RFC1: variants seen among roughly 807,000 people sequenced by gnomAD.
RFC1 encodes the protein replication factor C subunit 1, also known as A1 140 kDa subunit.
In RFC1, 37 loss-of-function variants were observed where a neutral mutation model predicts 137.4. That is an observed-to-expected ratio of 0.27 (90% CI 0.21 to 0.35). The LOEUF is 0.35. RFC1 is among the 10% of genes least tolerant of loss of function. The pLI, the probability that RFC1 is intolerant of heterozygous loss-of-function variation, is 1.00. For synonymous variants in RFC1, 429 were observed against 455.7 expected (o/e 0.94, Z 0.75); for missense variants, 1,205 against 1,358.5 (o/e 0.89, Z 1.78).
At chr4:39,347,517 T>C (rs954143168) in intron 2 of RFC1, among the ~76,000 whole-genome samples, 4 of 152,204 alleles carry the variant, frequency 2.6e-5, no homozygotes, top group Non-Finnish European at 4.4e-5. Context: ...TAATACAGAT[T>C]TTGGTACCAA....
intron 11 of RFC1, among the ~76,000 whole-genome samples, chr4:39,312,081 G>A (rs539654269): frequency 4.6e-5 from 7 of 152,282 alleles, no homozygotes; most frequent in South Asian, 2.1e-4. Context: ...TATAAGACAT[G>A]TTTCTGGGAA....
rs544887686 is a variant in RFC1 at position 39,290,536 on chromosome 4, T to G, written c.3169-497A>C. ...TCAGTAAATCAAAAAGGGGCTCGGCTGGGTGTGGTGGCTCACGCCTGTAAT... is the reference window on the plus strand; with the variant it reads ...TCAGTAAATCAAAAAGGGGCTCGGCGGGGTGTGGTGGCTCACGCCTGTAAT... On this transcript the variant is annotated intron_variant, in intron 23 of 24. Coordinates refer to ENST00000349703, the MANE Select transcript of RFC1 (RefSeq NM_002913.5). Among the ~76,000 whole-genome samples the G allele has an allele frequency of 5.0e-4, 76 of 152,244 alleles. 1 individual carries two copies. In the South Asian group the frequency reaches 0.015, roughly 30 times the overall value.
chr4:39,348,382 C>G (rs1740967447), intron 2 of RFC1, among the ~76,000 whole-genome samples: 1 of 128,684 alleles, frequency 7.8e-6, no homozygotes, highest in Non-Finnish European at 1.7e-5. Context: ...GAGATTGCGC[C>G]ACTGCACTCC....
intron 24 of RFC1, among the ~76,000 whole-genome samples, chr4:39,289,362 C>T (rs905422941): frequency 7.2e-5 from 11 of 152,274 alleles, no homozygotes; most frequent in African/African-American, 2.4e-4. Flanking sequence ...AGCACCCACA[C>T]CCAGCGAAGG....
chr4:39,340,410 A>G (rs1740556348), intron 4 of RFC1, among the ~76,000 whole-genome samples: 1 of 152,188 alleles, frequency 6.6e-6, no homozygotes, highest in South Asian at 2.1e-4. Flanking sequence ...AAATATTGGG[A>G]ACACTTATTC....
chr4:39,295,524 C>T, intron 22 of RFC1, 90 bp downstream of exon 22: 1 of 1,129,864 alleles, frequency 8.9e-7, no homozygotes, highest in Non-Finnish European at 1.2e-6. Flanking sequence ...AAAACTAAAA[C>T]ACAAATCTTT....
intron 4 of RFC1, among the ~76,000 whole-genome samples, chr4:39,338,802 T>C (rs1034878006): frequency 1.3e-5 from 2 of 152,134 alleles, no homozygotes; most frequent in African/African-American, 4.8e-5. Flanking sequence ...TTAGCAGGAA[T>C]CCCAAATACA....
chr4:39,337,435 A>AGTGT (rs71921435), intron 4 of RFC1, among the ~76,000 whole-genome samples: 4,995 of 143,646 alleles, frequency 0.035, 130 homozygotes, highest in East Asian at 0.085. Context: ...TACTCAAATA[A>AGTGT]GTGTGTGTGT....
intron 4 of RFC1, among the ~76,000 whole-genome samples, chr4:39,336,187 C>T (rs1740342262): frequency 1.3e-5 from 2 of 152,200 alleles, no homozygotes; most frequent in East Asian, 1.9e-4. Context: ...AAGAAAGCAT[C>T]TAGCTCTCAT....
At chr4:39,305,776 A>C (rs1261886898) in intron 14 of RFC1, among the ~76,000 whole-genome samples, 1 of 152,202 alleles carries the variant, frequency 6.6e-6, no homozygotes, top group East Asian at 1.9e-4. Context: ...TTATGCCTTA[A>C]TTCATAAAAA....
intron 4 of RFC1, among the ~76,000 whole-genome samples, chr4:39,328,786 T>C (rs951882877): frequency 1.2e-4 from 19 of 152,144 alleles, no homozygotes; most frequent in African/African-American, 4.3e-4. Flanking sequence ...GCCTGTCATT[T>C]GGAAAACACA....
At chr4:39,335,476 CAG>C (rs1225313440) in intron 4 of RFC1, among the ~76,000 whole-genome samples, 1 of 152,248 alleles carries the variant, frequency 6.6e-6, no homozygotes, top group Admixed American at 6.5e-5. Context: ...TAGAATCAAA[CAG>C]AGTCAGTTAT....
intron 22 of RFC1, among the ~76,000 whole-genome samples, chr4:39,294,528 A>T (rs1377573922): frequency 6.6e-6 from 1 of 152,038 alleles, no homozygotes; most frequent in Non-Finnish European, 1.5e-5. Flanking sequence ...AAAATTAGCC[A>T]GGTGTGGTGG....
At chr4:39,329,597 G>A (rs1739989480) in intron 4 of RFC1, among the ~76,000 whole-genome samples, 1 of 151,842 alleles carries the variant, frequency 6.6e-6, no homozygotes, top group South Asian at 2.1e-4. Context: ...ATTAAGCTGG[G>A]CATGGTGGTG....
At chr4:39,350,189 A>AAG (rs1741114307) in intron 2 of RFC1, among the ~76,000 whole-genome samples, 1 of 318 alleles carries the variant, frequency 3.1e-3, no homozygotes, top group South Asian at 0.25. Context: ...TTAAAGACAG[A>AAG]AAGAGAAAGT....
At chr4:39,312,522 C>T (rs2109643162) in intron 11 of RFC1, among the ~76,000 whole-genome samples, 1 of 152,230 alleles carries the variant, frequency 6.6e-6, no homozygotes, top group South Asian at 2.1e-4. Flanking sequence ...AAGACTTAAA[C>T]TTAAATACAC....
chr4:39,336,059 T>C (rs1740337123), intron 4 of RFC1, among the ~76,000 whole-genome samples: 1 of 152,180 alleles, frequency 6.6e-6, no homozygotes, highest in Non-Finnish European at 1.5e-5. Flanking sequence ...TAGTGTCTCA[T>C]TATTTACTGT....
chr4:39,351,044 A>C (rs1741159768), intron 2 of RFC1, among the ~76,000 whole-genome samples: 1 of 151,852 alleles, frequency 6.6e-6, no homozygotes, highest in Non-Finnish European at 1.5e-5. Flanking sequence ...AGGTCAGGAG[A>C]TCGAGACCAT....
Position 39,289,989 on chromosome 4 carries a change from T to G in RFC1, c.3219A>C (p.Pro1073=). 6.2e-7 allele frequency: 1 copy of G among 1,613,840 alleles called. No individual in the cohort carries two copies. The highest frequency in any genetic ancestry group is 1.3e-5 in the African/African-American group (1 of 75,018). The change falls in exon 24 of 25, where the codon CCA becomes CCC. Residue 1073 remains proline, a synonymous_variant. Transcript: ENST00000349703. ...ATGCCTTTATAGCTTGAAGTGAGTATGGAGTAAGGTGGGCTTCCTTATTGT... is the reference window on the plus strand; with the variant it reads ...ATGCCTTTATAGCTTGAAGTGAGTAGGGAGTAAGGTGGGCTTCCTTATTGT... The part of the protein sequence containing the change: ...RAYNKEAHLT[P]YSLQAIKASR...
Sources: gnomAD v4.1 joint callset for allele counts (sites outside exome capture counted in the v4.1 genomes callset) on GRCh38, gnomAD v4.1.1 for gene constraint, MANE v1.5 for transcripts, NCBI Gene and HGNC (gene_info 2026-07-23, HGNC 2026-07-21) for gene names.